Variants in RAB9B observed in about 807,000 individuals in gnomAD.
RAB9B encodes RAB9B, member RAS oncogene family.
Under a neutral mutation model 8.9 loss-of-function variants are expected in RAB9B, and 1 was observed. That is an observed-to-expected ratio of 0.11 (90% CI 0.04 to 0.53). The LOEUF is 0.53. Among genes scored for constraint, RAB9B ranks in the 20% least tolerant of loss-of-function variants. The probability of loss-of-function intolerance (pLI) is 0.93; values close to 1 mark genes in which losing one functional copy is unlikely to be tolerated. For synonymous variants in RAB9B, 63 were observed against 57.0 expected (o/e 1.10, Z -0.47); for missense variants, 82 against 152.9 (o/e 0.54, Z 2.45).
chrX:103,817,960 T>C (rs1415472132), downstream of RAB9B, among the ~76,000 whole-genome samples: 1 of 111,517 alleles, frequency 9.0e-6, no homozygotes, highest in African/African-American at 3.3e-5. Flanking sequence ...CCACCAGTTT[T>C]CTAATTTATC....
the RAB9B span, among the ~76,000 whole-genome samples, chrX:103,778,919 C>A: frequency 2.1e-4 from 23 of 112,040 alleles, no homozygotes; most frequent in East Asian, 4.8e-3. Context: ...TCTGAGCCAA[C>A]CTTCAATGCG....
At chrX:103,786,262 G>A in the RAB9B span, 1 of 1,119,750 alleles carries the variant, frequency 8.9e-7, no homozygotes, top group Non-Finnish European at 1.2e-6. Context: ...AGGGGCATAT[G>A]TTTCTGGTCA....
At chrX:103,801,828 C>G in the RAB9B span, among the ~76,000 whole-genome samples, 46 of 111,501 alleles carry the variant, frequency 4.1e-4, no homozygotes, top group Non-Finnish European at 7.5e-4. Context: ...GGGAGGAAGT[C>G]TTTAAAATGA....
chrX:103,791,913 G>T, the RAB9B span: 3 of 112,147 alleles, frequency 2.7e-5, no homozygotes, highest in Non-Finnish European at 3.8e-5. Context: ...AATGGAAAAT[G>T]ATTTTACTTA....
At chrX:103,811,008 T>C in the RAB9B span, among the ~76,000 whole-genome samples, 1 of 112,015 alleles carries the variant, frequency 8.9e-6, no homozygotes, top group Non-Finnish European at 1.9e-5. Context: ...AAGTCCTGTG[T>C]CATGTGGAAT....
the RAB9B span, among the ~76,000 whole-genome samples, chrX:103,795,603 C>A: frequency 8.9e-6 from 1 of 111,909 alleles, no homozygotes; most frequent in African/African-American, 3.3e-5. Flanking sequence ...GTGGCTCTTG[C>A]AATCAAAGCT....
At chrX:103,797,957 G>A in the RAB9B span, among the ~76,000 whole-genome samples, 1 of 111,101 alleles carries the variant, frequency 9.0e-6, no homozygotes, top group Non-Finnish European at 1.9e-5. Flanking sequence ...ACATCCCCCC[G>A]CCATGACCTT....
chrX:103,788,650 T>A, the RAB9B span: 1 of 578,858 alleles, frequency 1.7e-6, no homozygotes, highest in Non-Finnish European at 3.1e-6. Flanking sequence ...ACATGTTGGC[T>A]AAGTGTGCCT....
chrX:103,787,581 C>T, the RAB9B span: 1 of 449,146 alleles, frequency 2.2e-6, no homozygotes, highest in South Asian at 3.2e-5. Flanking sequence ...TCTTCCCCTA[C>T]CCATTCCCCC....
chrX:103,801,366 C>T, the RAB9B span, among the ~76,000 whole-genome samples: 12 of 111,093 alleles, frequency 1.1e-4, no homozygotes, highest in Non-Finnish European at 1.9e-4. Flanking sequence ...TATACTGTTC[C>T]TGCCAAGTGG....
chrX:103,785,883 G>A, the RAB9B span: 4 of 760,419 alleles, frequency 5.3e-6, no homozygotes, highest in East Asian at 3.2e-5. Flanking sequence ...GAGCCAGACC[G>A]GATTCCCGAG....
chrX:103,790,785 C>T, the RAB9B span: 2 of 458,310 alleles, frequency 4.4e-6, no homozygotes, highest in East Asian at 3.7e-5. Context: ...TCTTATGTAC[C>T]TCTTTTAGTC....
the RAB9B span, chrX:103,788,517 G>A: frequency 8.7e-7 from 1 of 1,147,383 alleles, no homozygotes; most frequent in Non-Finnish European, 1.2e-6. Flanking sequence ...TGAGGTGAGT[G>A]GGTTATTTGG....
rs1328391956 is a variant in RAB9B, at chrX:103,823,783, G to T, written c.*1396C>A. 8.9e-6 allele frequency: 1 copy of T among 112,011 alleles called. No homozygotes were observed. Among genetic ancestry groups the T allele is most frequent in the Admixed American group, 9.5e-5 (1 of 10,511 alleles). The allele number at this position is 112,011 out of a possible 1,213,427, so 9.2% of individuals were successfully genotyped here. A position where few individuals can be genotyped will look rare whatever the true frequency, so the allele number is the denominator to read the frequency against. On this transcript the variant is annotated 3_prime_UTR_variant, in exon 3 of 3. Coordinates refer to ENST00000243298, the MANE Select transcript of RAB9B (RefSeq NM_016370.4). ...CACATAAAGATTACTCAGAGCTCAA[G>T]AATTTTTCCTGCCACAGTGCAAAAG...
Sources: allele counts gnomAD v4.1 joint callset (sites outside exome capture counted in the v4.1 genomes callset), GRCh38; gene constraint gnomAD v4.1.1; transcripts MANE v1.5; gene names NCBI Gene and HGNC (gene_info 2026-07-23, HGNC 2026-07-21).